MOB3B: variants seen among roughly 807,000 people sequenced by gnomAD.
The protein encoded by MOB3B is MOB kinase activator-like 2B.
Under a neutral mutation model 18.7 loss-of-function variants are expected in MOB3B, and 7 were observed. The ratio of observed to expected loss-of-function variants is 0.37; its 90% CI spans 0.21 to 0.70. The LOEUF (loss-of-function observed/expected upper bound fraction) is 0.70, where lower values mean the gene tolerates loss of function less well. MOB3B is among the 30% of genes least tolerant of loss of function. The pLI is 0.52. For missense variants in MOB3B, 253 were observed against 281.3 expected (o/e 0.90, Z 0.72); for synonymous variants, 111 against 99.9 (o/e 1.11, Z -0.66).
intron 1 of MOB3B, among the ~76,000 whole-genome samples, chr9:27,495,804 A>C (rs749334012): frequency 6.6e-6 from 1 of 152,248 alleles, no homozygotes; most frequent in Non-Finnish European, 1.5e-5. Flanking sequence ...CAAGAGAACT[A>C]TCAGGAAAGA....
intron 2 of MOB3B, among the ~76,000 whole-genome samples, chr9:27,425,311 G>A (rs987153855): frequency 6.6e-6 from 1 of 151,396 alleles, no homozygotes; most frequent in African/African-American, 2.4e-5. Flanking sequence ...GGAGGCGGAG[G>A]TTGCGGTGAG....
chr9:27,336,502 G>GTA (rs1206825551), intron 3 of MOB3B, among the ~76,000 whole-genome samples: 1 of 152,164 alleles, frequency 6.6e-6, no homozygotes, highest in Non-Finnish European at 1.5e-5. Context: ...CCGCAGTGTG[G>GTA]TAAGGAGCAG....
At chr9:27,522,927 A>ATATATATATATATT (rs1554657403) in intron 1 of MOB3B, among the ~76,000 whole-genome samples, 3 of 150,810 alleles carry the variant, frequency 2.0e-5, no homozygotes, top group African/African-American at 7.3e-5. Flanking sequence ...ATATATATAT[A>ATATATATATATATT]TTTTTTTCCG....
chr9:27,444,973 T>A (rs953305682), intron 2 of MOB3B, among the ~76,000 whole-genome samples: 1 of 152,222 alleles, frequency 6.6e-6, no homozygotes, highest in African/African-American at 2.4e-5. Flanking sequence ...TTTGATCAAC[T>A]GATATTCTAA....
intron 3 of MOB3B, among the ~76,000 whole-genome samples, chr9:27,350,074 T>A (rs1310558468): frequency 6.6e-6 from 1 of 152,188 alleles, no homozygotes; most frequent in African/African-American, 2.4e-5. Flanking sequence ...GCACTTAACA[T>A]GTGGCTAGTA....
At chr9:27,460,760 G>T (rs560466829) in intron 1 of MOB3B, among the ~76,000 whole-genome samples, 3 of 152,246 alleles carry the variant, frequency 2.0e-5, no homozygotes, top group Admixed American at 1.3e-4. Context: ...TAAGAGAAAT[G>T]CCCCAGAAAC....
At chr9:27,492,580 T>C (rs748412061) in intron 1 of MOB3B, among the ~76,000 whole-genome samples, 4 of 152,178 alleles carry the variant, frequency 2.6e-5, no homozygotes, top group Non-Finnish European at 5.9e-5. Flanking sequence ...ACCAATAGGA[T>C]TTAACCATTT....
At chr9:27,466,779 C>T (rs1021667184) in intron 1 of MOB3B, among the ~76,000 whole-genome samples, 7 of 152,086 alleles carry the variant, frequency 4.6e-5, no homozygotes, top group South Asian at 2.1e-4. Context: ...AAGAATAGCA[C>T]GGGAAAGACC....
intron 2 of MOB3B, among the ~76,000 whole-genome samples, chr9:27,389,983 T>C (rs189373125): frequency 5.2e-4 from 79 of 152,266 alleles, no homozygotes; most frequent in African/African-American, 1.8e-3. Context: ...TAAAAGTTGT[T>C]ACTTGGAATG....
intron 1 of MOB3B, among the ~76,000 whole-genome samples, chr9:27,519,568 C>A (rs939511458): frequency 1.3e-5 from 2 of 152,200 alleles, no homozygotes; most frequent in South Asian, 4.1e-4. Context: ...GTTATACCTT[C>A]CCTCACAGAA....
In MOB3B at chr9:27,329,947, C is replaced by G. The variant is rs539847045; in HGVS notation, c.*640G>C. The stretch of plus-strand genomic sequence containing the variant: ...GAGACAAGCCACCCCATGGAGTGTC[C>G]CTGATAAAACTATTTATTAGGGAAA... On this transcript the variant is annotated 3_prime_UTR_variant, in exon 4 of 4. Coordinates refer to ENST00000262244, the MANE Select transcript of MOB3B (RefSeq NM_024761.5). 1 of 152,156 alleles carries G rather than the reference C, an allele frequency of 6.6e-6. No individual in the cohort carries two copies. The highest frequency in any genetic ancestry group is 2.4e-5 in the African/African-American group (1 of 41,380). The allele number at this position is 152,156 out of a possible 1,614,324, so 9.4% of individuals were successfully genotyped here.
rs927438176 is a variant in MOB3B at position 27,325,540 on chromosome 9, A to G, written c.*5047T>C. 6.6e-6 allele frequency: 1 copy of G among 152,226 alleles called. No homozygotes were observed. Among genetic ancestry groups the G allele is most frequent in the Non-Finnish European group, 1.5e-5 (1 of 68,032 alleles). The allele number at this position is 152,226 out of a possible 1,614,324, so 9.4% of individuals were successfully genotyped here. A position where few individuals can be genotyped will look rare whatever the true frequency, so the allele number is the denominator to read the frequency against. ...CTGAAAATTCTTACTCAGAATTAAT[A>G]CCTGTCCAGAGGGAAACAGCCTGTT... is the stretch of plus-strand genomic sequence containing the variant. On this transcript the variant is annotated 3_prime_UTR_variant, in exon 4 of 4. Transcript: ENST00000262244.
intron 2 of MOB3B, among the ~76,000 whole-genome samples, chr9:27,385,952 G>A (rs181975662): frequency 3.7e-4 from 57 of 152,320 alleles, no homozygotes; most frequent in Non-Finnish European, 4.4e-4. Context: ...AAGAAGATTC[G>A]CTGACACTTT....
Position 27,360,374 on chromosome 9 carries a change from G to C in MOB3B, c.419-1138C>G, listed in dbSNP as rs117662612. On this transcript the variant is annotated intron_variant, in intron 2 of 3. Coordinates refer to ENST00000262244, the MANE Select transcript of MOB3B (RefSeq NM_024761.5). ...CAAAAAAATTAGCCGGGCATGTGGCGTGCGCCTGTAATCCCAGCTACTCAG... is the reference window on the plus strand; with the variant it reads ...CAAAAAAATTAGCCGGGCATGTGGCCTGCGCCTGTAATCCCAGCTACTCAG... 5.8e-3 allele frequency among the ~76,000 whole-genome samples: 881 copies of C among 152,244 alleles called. 6 individuals carry two copies. The highest frequency in any genetic ancestry group is 0.011 in the Admixed American group (172 of 15,298).
chr9:27,510,326 A>C (rs1481364840), intron 1 of MOB3B, among the ~76,000 whole-genome samples: 1 of 152,222 alleles, frequency 6.6e-6, no homozygotes, highest in South Asian at 2.1e-4. Flanking sequence ...TACCTAACCA[A>C]GAGTAACTGT....
In MOB3B at chr9:27,452,883, C is replaced by T. The variant is rs971099647; in HGVS notation, c.418+2250G>A. Among the ~76,000 whole-genome samples the T allele has an allele frequency of 5.9e-5, 9 of 152,020 alleles. No individual in the cohort carries two copies. The East Asian group carries it at 1.7e-3, about 29-fold the overall frequency. On this transcript the variant is annotated intron_variant, in intron 2 of 3. Transcript: ENST00000262244. ...CCAGAAGCTGGAGGTATAGAGAGGG[C>T]GTTAGGGAGATGTTGGTCAAAAAAT... is the stretch of plus-strand genomic sequence containing the variant.
chr9:27,411,314 G>A (rs573882258), intron 2 of MOB3B, among the ~76,000 whole-genome samples: 2 of 152,286 alleles, frequency 1.3e-5, no homozygotes, highest in East Asian at 1.9e-4. Flanking sequence ...TTCATCCCAC[G>A]CAAGGTTCAA....
chr9:27,453,552 C>T (rs192423876), intron 2 of MOB3B, among the ~76,000 whole-genome samples: 380 of 152,252 alleles, frequency 2.5e-3, no homozygotes, highest in African/African-American at 8.9e-3. Flanking sequence ...TCCTGTTTTC[C>T]AGCCAGACAG....
chr9:27,379,281 C>G (rs1405171546), intron 2 of MOB3B, among the ~76,000 whole-genome samples: 1 of 152,074 alleles, frequency 6.6e-6, no homozygotes, highest in African/African-American at 2.4e-5. Flanking sequence ...TTTAAAGCAC[C>G]CTTGGGGATT....
Sources: allele counts gnomAD v4.1 joint callset (sites outside exome capture counted in the v4.1 genomes callset), GRCh38; gene constraint gnomAD v4.1.1; transcripts MANE v1.5; gene names NCBI Gene and HGNC (gene_info 2026-07-23, HGNC 2026-07-21).